The following KLF9 variants were observed in gnomAD, a reference collection of about 807,000 sequenced individuals.
KLF9 encodes the protein KLF transcription factor 9.
Under a neutral mutation model 17.3 loss-of-function variants are expected in KLF9, and 2 were observed. That is an observed-to-expected ratio of 0.12 (90% confidence interval 0.05 to 0.36). The LOEUF is 0.36. Ranked by LOEUF, KLF9 falls within the 10% of genes least tolerant of loss-of-function variation. The probability of loss-of-function intolerance (pLI) is 1.00; values close to 1 mark genes in which losing one functional copy is unlikely to be tolerated. For synonymous variants in KLF9, 138 were observed against 139.2 expected, an observed-to-expected ratio of 0.99 and a Z score of 0.06; for missense variants, 226 against 333.2, an observed-to-expected ratio of 0.68 and a Z score of 2.51.
chr9:70,396,417 A>G (rs535031430), intron 1 of KLF9, among the ~76,000 whole-genome samples: 6 of 152,348 alleles, frequency 3.9e-5, no homozygotes, highest in African/African-American at 1.2e-4. Flanking sequence ...TTAGCCATAC[A>G]CTGCTAACTG....
chr9:70,391,509 A>G (rs2037153172), intron 1 of KLF9, among the ~76,000 whole-genome samples: 1 of 152,234 alleles, frequency 6.6e-6, no homozygotes, highest in Non-Finnish European at 1.5e-5. Context: ...CAGAGCCCCG[A>G]GAAAATCAAG....
At chr9:70,409,692 TA>T (rs2037296176) in intron 1 of KLF9, among the ~76,000 whole-genome samples, 2 of 152,274 alleles carry the variant, frequency 1.3e-5, no homozygotes, top group South Asian at 2.1e-4. Flanking sequence ...AAATACATCA[TA>T]AAGTGTCCAA....
At chr9:70,397,465 ACT>A (rs2037189381) in intron 1 of KLF9, among the ~76,000 whole-genome samples, 1 of 151,348 alleles carries the variant, frequency 6.6e-6, no homozygotes, top group East Asian at 1.9e-4. Flanking sequence ...ACAGAGTGAG[ACT>A]CTGACTAAAA....
chr9:70,411,166 A>G (rs558837795), intron 1 of KLF9, among the ~76,000 whole-genome samples: 2 of 152,308 alleles, frequency 1.3e-5, no homozygotes, highest in African/African-American at 4.8e-5. Flanking sequence ...AACGCTGGAA[A>G]CCCTATTCCT....
intron 1 of KLF9, among the ~76,000 whole-genome samples, chr9:70,405,564 G>A (rs1343965280): frequency 1.4e-4 from 22 of 152,148 alleles, no homozygotes; most frequent in Admixed American, 1.1e-3. Flanking sequence ...GGCTTAGATC[G>A]TGAGCAAACT....
chr9:70,387,794 C>T lies in KLF9; in HGVS notation c.717G>A (p.Ala239=). 3 of 1,614,008 alleles carry T rather than the reference C, an allele frequency of 1.9e-6. No homozygotes were observed. Among genetic ancestry groups the T allele is most frequent in the South Asian group, 1.1e-5 (1 of 91,074 alleles). ...HPSMIKRSKK[A]LANAL is the part of the protein sequence containing the mutation. ...CAGCACCTCACAAAGCGTTGGCCAG[C>T]GCCTTTTTCGATCGCTTGATCATGC... Residue 239 remains alanine (A), a synonymous_variant, in exon 2 of 2, where the codon GCG becomes GCA. Transcript: ENST00000377126.
chr9:70,396,377 C>T (rs1287906450), intron 1 of KLF9, among the ~76,000 whole-genome samples: 2 of 152,070 alleles, frequency 1.3e-5, no homozygotes, highest in Admixed American at 1.3e-4. Flanking sequence ...AAAAAGGTAC[C>T]AGACTGTTAT....
chr9:70,390,032 A>G (rs13299996), intron 1 of KLF9, among the ~76,000 whole-genome samples: 11,307 of 152,214 alleles, frequency 0.074, 573 homozygotes, highest in Admixed American at 0.12. Context: ...TATTCATTCT[A>G]TTTTCCCCAG....
At chr9:70,390,949 T>A (rs113747664) in intron 1 of KLF9, among the ~76,000 whole-genome samples, 35 of 152,284 alleles carry the variant, frequency 2.3e-4, no homozygotes, top group African/African-American at 8.2e-4. Flanking sequence ...TCCCTTCTGA[T>A]GTGGCGGTGA....
chr9:70,394,069 G>A (rs1443688955), intron 1 of KLF9, among the ~76,000 whole-genome samples: 1 of 148,010 alleles, frequency 6.8e-6, no homozygotes, highest in Non-Finnish European at 1.5e-5. Flanking sequence ...TGCAAAAACA[G>A]CACTAGGATT....
At position 70,413,437 on chromosome 9, in the gene KLF9, T is replaced by G. The variant is rs2037343961; in HGVS notation, c.-74A>C. The G allele has an allele frequency of 1.8e-5, 24 of 1,304,742 alleles. No individual in the cohort carries two copies. Among genetic ancestry groups the G allele is most frequent in the East Asian group, 6.2e-5 (2 of 32,324 alleles). 80.8% of individuals were successfully genotyped at this position (1,304,742 alleles called of 1,614,324 possible). On this transcript the variant is annotated 5_prime_UTR_variant, in exon 1 of 2. Coordinates refer to ENST00000377126, the MANE Select transcript of KLF9 (RefSeq NM_001206.4). The surrounding 1 kb of genome is among the most constrained non-coding windows in gnomAD (Gnocchi z 5.6). ...TGCGGAGGTTCGGCTCGCCCTGCCCTGGCCTCGGACGACGAGCGCGGCGCG... is the reference window on the plus strand; with the variant it reads ...TGCGGAGGTTCGGCTCGCCCTGCCCGGGCCTCGGACGACGAGCGCGGCGCG...
In KLF9 at chr9:70,390,288, C is replaced by T. The variant is rs1011218307; in HGVS notation, c.506-2283G>A. ...TATGGAGCTCTGAGCTGAAAAGCTA[C>T]GGCAGCAAAAGGCAATAGCAAACCA... On this transcript the variant is annotated intron_variant, in intron 1 of 1. Coordinates refer to ENST00000377126, the MANE Select transcript of KLF9 (RefSeq NM_001206.4). 1.2e-4 allele frequency among the ~76,000 whole-genome samples: 18 copies of T among 152,086 alleles called. No individual in the cohort carries two copies. The East Asian group carries it at 1.7e-3, about 15-fold the overall frequency.
chr9:70,403,304 T>C (rs1216376780), intron 1 of KLF9, among the ~76,000 whole-genome samples: 2 of 152,214 alleles, frequency 1.3e-5, no homozygotes, highest in African/African-American at 4.8e-5. Flanking sequence ...TGGATATATG[T>C]AGTTCCAGGG....
intron 1 of KLF9, among the ~76,000 whole-genome samples, chr9:70,395,737 A>G (rs2037178597): frequency 6.6e-6 from 1 of 152,088 alleles, no homozygotes; most frequent in Non-Finnish European, 1.5e-5. Flanking sequence ...CGAGCCCAGG[A>G]GTTTGAGACC....
At chr9:70,397,004 C>T (rs2118913315) in intron 1 of KLF9, among the ~76,000 whole-genome samples, 1 of 152,042 alleles carries the variant, frequency 6.6e-6, no homozygotes, top group East Asian at 1.9e-4. Context: ...CATAGTGAAA[C>T]CTCATCTCTT....
At position 70,409,048 on chromosome 9, in the gene KLF9, ATACATATATGTGTATATATATG is replaced by A. The variant is rs1342706503; in HGVS notation, c.505+3789_505+3810del. 3.4e-3 allele frequency among the ~76,000 whole-genome samples: 429 copies of A among 127,510 alleles called. 12 individuals are homozygous for A. Among genetic ancestry groups the A allele is most frequent in the African/African-American group, 0.011 (384 of 36,002 alleles). 83.7% of individuals were successfully genotyped at this position (127,510 alleles called of 152,430 possible). A position where few individuals can be genotyped will look rare whatever the true frequency, so the allele number is the denominator to read the frequency against. ...TATATATATATATGTGTATATATATATACATATATGTGTATATATATGTGTATATATATACACATATATGTAT... is the reference window on the plus strand; with the variant it reads ...TATATATATATATGTGTATATATATATGTATATATATACACATATATGTAT... On this transcript the variant is annotated intron_variant, in intron 1 of 1. Coordinates refer to ENST00000377126, the MANE Select transcript of KLF9 (RefSeq NM_001206.4).
rs146498942 is a variant in KLF9 at position 70,389,119 on chromosome 9, C to T, written c.506-1114G>A. On this transcript the variant is annotated intron_variant, in intron 1 of 1. Coordinates refer to ENST00000377126, the MANE Select transcript of KLF9 (RefSeq NM_001206.4). The stretch of plus-strand genomic sequence containing the variant: ...TCATGCCACTGCACTCTAGCCTAGG[C>T]GACAGAGTGAGACTCTGTCTCAAAA... Among the ~76,000 whole-genome samples the T allele has an allele frequency of 3.6e-4, 55 of 151,140 alleles. No individual in the cohort carries two copies. In the East Asian group the frequency reaches 7.4e-3, roughly 20 times the overall value.
intron 1 of KLF9, 90 bp downstream of exon 1, chr9:70,412,769 C>A (rs1358390080): frequency 4.8e-6 from 6 of 1,242,050 alleles, no homozygotes; most frequent in African/African-American, 1.5e-5. Flanking sequence ...ACCCTTTCGG[C>A]CGAGTGCAGT....
rs567177502 is a variant in KLF9, at chr9:70,384,775, A to G, written c.*3001T>C. 6.5e-6 allele frequency: 1 copy of G among 152,812 alleles called. No individual in the cohort carries two copies. Among genetic ancestry groups the G allele is most frequent in the South Asian group, 2.1e-4 (1 of 4,832 alleles). The allele number at this position is 152,812 out of a possible 1,614,324, so 9.5% of individuals were successfully genotyped here. ...TGATTAAACAGTTGTAAAGATCAGT[A>G]TCTTACAGTGTTACAGATCATCTGA... On this transcript the variant is annotated 3_prime_UTR_variant, in exon 2 of 2. Transcript: ENST00000377126.
Sources: allele counts gnomAD v4.1 joint callset (sites outside exome capture counted in the v4.1 genomes callset), GRCh38; gene constraint gnomAD v4.1.1; non-coding constraint Gnocchi (gnomAD v3.1); transcripts MANE v1.5; gene names NCBI Gene and HGNC (gene_info 2026-07-23, HGNC 2026-07-21).